FGGY: variants seen among roughly 807,000 people sequenced by gnomAD.
The protein encoded by FGGY is FGGY carbohydrate kinase domain-containing protein.
A neutral mutation model predicts 71.3 loss-of-function variants in FGGY; 72 were observed. The ratio of observed to expected loss-of-function variants is 1.01; its 90% CI spans 0.84 to 1.23. The LOEUF (loss-of-function observed/expected upper bound fraction) is 1.23, where lower values mean the gene tolerates loss of function less well. Among genes scored for constraint, FGGY ranks in the 50% most tolerant of loss-of-function variants. The pLI, the probability that FGGY is intolerant of heterozygous loss-of-function variation, is 0.00. For missense variants in FGGY, 668 were observed against 682.3 expected, an observed-to-expected ratio of 0.98 and a Z score of 0.23; for synonymous variants, 251 against 250.3, an observed-to-expected ratio of 1.00 and a Z score of -0.02.
At chr1:59,657,076 A>G (rs1558701604) in intron 11 of FGGY, among the ~76,000 whole-genome samples, 1 of 152,200 alleles carries the variant, frequency 6.6e-6, no homozygotes, top group South Asian at 2.1e-4. Flanking sequence ...AGGAAGTTAA[A>G]TCCAGCTATG....
At chr1:59,705,459 G>C (rs1287279253) in intron 14 of FGGY, among the ~76,000 whole-genome samples, 1 of 152,134 alleles carries the variant, frequency 6.6e-6, no homozygotes, top group Non-Finnish European at 1.5e-5. Context: ...TTTTACCAAG[G>C]GCAAAGCTGA....
chr1:59,633,262 G>A (rs575538004), intron 10 of FGGY, among the ~76,000 whole-genome samples: 16 of 152,092 alleles, frequency 1.1e-4, no homozygotes, highest in East Asian at 5.8e-4. Flanking sequence ...TGCCCGCCTC[G>A]GCCTCCCAAA....
At chr1:59,700,413 A>G (rs1170757349) in intron 14 of FGGY, among the ~76,000 whole-genome samples, 2 of 152,328 alleles carry the variant, frequency 1.3e-5, no homozygotes, top group East Asian at 1.9e-4. Context: ...AACTGTTATT[A>G]TCCCAATTTT....
intron 14 of FGGY, among the ~76,000 whole-genome samples, chr1:59,675,750 T>C (rs115015975): frequency 0.015 from 2,300 of 152,300 alleles, 58 homozygotes; most frequent in African/African-American, 0.052. Flanking sequence ...ATTATAATAG[T>C]TAAAACAGGG....
At chr1:59,321,827 A>G (rs1255187689) in intron 2 of FGGY, 77 bp downstream of exon 2, 6 of 1,449,372 alleles carry the variant, frequency 4.1e-6, no homozygotes, top group Non-Finnish European at 5.6e-6. Flanking sequence ...GGTGCCGTAA[A>G]CAATGTTGGG....
At chr1:59,595,332 G>A (rs1055174363) in intron 8 of FGGY, among the ~76,000 whole-genome samples, 1 of 151,806 alleles carries the variant, frequency 6.6e-6, no homozygotes, top group Non-Finnish European at 1.5e-5. Context: ...AAAAAAAAAT[G>A]ACAGTAAGAG....
intron 14 of FGGY, among the ~76,000 whole-genome samples, chr1:59,715,435 A>G (rs1365417783): frequency 6.6e-6 from 1 of 152,184 alleles, no homozygotes; most frequent in African/African-American, 2.4e-5. Context: ...AATTTAATCA[A>G]TTGATAGGTT....
At chr1:59,376,738 C>T (rs1401142766) in intron 4 of FGGY, among the ~76,000 whole-genome samples, 3 of 152,112 alleles carry the variant, frequency 2.0e-5, no homozygotes, top group Non-Finnish European at 2.9e-5. Flanking sequence ...TGCATTGTTG[C>T]CTTTAGGTTC....
intron 8 of FGGY, among the ~76,000 whole-genome samples, chr1:59,602,255 C>G (rs1271370710): frequency 6.6e-6 from 1 of 152,132 alleles, no homozygotes; most frequent in African/African-American, 2.4e-5. Flanking sequence ...ATTTGACCTC[C>G]TGCAGCTTCT....
intron 5 of FGGY, among the ~76,000 whole-genome samples, chr1:59,379,802 CT>C (rs200376857): frequency 6.6e-6 from 1 of 150,568 alleles, no homozygotes; most frequent in Non-Finnish European, 1.5e-5. Flanking sequence ...ATGCTTTTTT[CT>C]TTTTTTTTCA....
intron 5 of FGGY, among the ~76,000 whole-genome samples, chr1:59,431,367 A>T (rs1379057382): frequency 6.6e-6 from 1 of 152,130 alleles, no homozygotes; most frequent in Non-Finnish European, 1.5e-5. Flanking sequence ...ACTACCATGG[A>T]TCAAGCCCCA....
chr1:59,312,273 A>G (rs796561271), intron 1 of FGGY, among the ~76,000 whole-genome samples: 55 of 152,222 alleles, frequency 3.6e-4, no homozygotes, highest in African/African-American at 1.3e-3. Context: ...CCCATCTGTC[A>G]ATTTTGGCAT....
intron 5 of FGGY, among the ~76,000 whole-genome samples, chr1:59,401,293 C>A (rs569838857): frequency 1.3e-5 from 2 of 152,262 alleles, no homozygotes; most frequent in East Asian, 3.9e-4. Flanking sequence ...TTTTTTCACC[C>A]TAGATTAGAT....
intron 8 of FGGY, among the ~76,000 whole-genome samples, chr1:59,578,225 G>C (rs767976124): frequency 6.6e-6 from 1 of 152,092 alleles, no homozygotes; most frequent in Non-Finnish European, 1.5e-5. Context: ...GGTTCAACTA[G>C]AGGAGCAGAA....
chr1:59,477,509 G>T (rs1348628455), intron 6 of FGGY, among the ~76,000 whole-genome samples: 1 of 152,148 alleles, frequency 6.6e-6, no homozygotes, highest in Non-Finnish European at 1.5e-5. Context: ...AGTCTTTGCG[G>T]GCGTGAGGAG....
At chr1:59,309,702 G>A (rs980977144) in intron 1 of FGGY, among the ~76,000 whole-genome samples, 3 of 151,838 alleles carry the variant, frequency 2.0e-5, no homozygotes, top group Non-Finnish European at 2.9e-5. Context: ...AGGGCCAAGC[G>A]TGGTGGCTCT....
At chr1:59,567,158 G>A (rs923851622) in intron 8 of FGGY, among the ~76,000 whole-genome samples, 5 of 152,166 alleles carry the variant, frequency 3.3e-5, no homozygotes, top group Non-Finnish European at 7.3e-5. Context: ...GAGAAAGGGA[G>A]ATACAGCATA....
chr1:59,475,492 T>C (rs2093219579), intron 6 of FGGY, among the ~76,000 whole-genome samples: 1 of 152,232 alleles, frequency 6.6e-6, no homozygotes, highest in South Asian at 2.1e-4. Flanking sequence ...GCTTTTTTCT[T>C]CCACCAAACT....
At chr1:59,296,967 T>C (rs2042024792), upstream of FGGY, 1 of 152,910 alleles carries the variant, frequency 6.5e-6, no homozygotes, top group South Asian at 2.1e-4. Flanking sequence ...GTGCGCAGGC[T>C]CTTAGCGCGC....
Sources: gnomAD v4.1 joint callset for allele counts (sites outside exome capture counted in the v4.1 genomes callset) on GRCh38, gnomAD v4.1.1 for gene constraint, MANE v1.5 for transcripts, NCBI Gene and HGNC (gene_info 2026-07-23, HGNC 2026-07-21) for gene names.